Variants in PCOLCE2 observed in about 807,000 individuals in gnomAD.
PCOLCE2 encodes the protein procollagen C-proteinase enhancer 2.
PCOLCE2 carries 42 observed loss-of-function variants against 47.0 expected under a neutral mutation model. That is an observed-to-expected ratio of 0.89 (90% CI 0.70 to 1.16). The LOEUF (loss-of-function observed/expected upper bound fraction) is 1.16, where lower values mean the gene tolerates loss of function less well. PCOLCE2 is among the 50% of genes most tolerant of loss of function. The pLI, the probability that PCOLCE2 is intolerant of heterozygous loss-of-function variation, is 0.00. For synonymous variants in PCOLCE2, 169 were observed against 191.7 expected, an observed-to-expected ratio of 0.88 and a Z score of 0.98; for missense variants, 500 against 526.1, an observed-to-expected ratio of 0.95 and a Z score of 0.49.
chr3:142,874,161 C>T (rs1461058260), intron 2 of PCOLCE2, among the ~76,000 whole-genome samples: 4 of 152,196 alleles, frequency 2.6e-5, no homozygotes, highest in African/African-American at 7.2e-5. Flanking sequence ...CTGCAACCTC[C>T]ACCTCCCGGG....
intron 2 of PCOLCE2, among the ~76,000 whole-genome samples, chr3:142,875,358 C>T (rs1933478550): frequency 6.6e-6 from 1 of 152,172 alleles, no homozygotes; most frequent in African/African-American, 2.4e-5. Flanking sequence ...AGCAGTCTGG[C>T]TTCCTGGTAA....
chr3:142,882,254 G>C (rs892785907), intron 2 of PCOLCE2, among the ~76,000 whole-genome samples: 1 of 151,822 alleles, frequency 6.6e-6, no homozygotes, highest in African/African-American at 2.4e-5. Context: ...GGCTGATCTT[G>C]AACTCTGATC....
At chr3:142,873,669 T>C (rs1266489357) in intron 2 of PCOLCE2, among the ~76,000 whole-genome samples, 1 of 152,188 alleles carries the variant, frequency 6.6e-6, no homozygotes, top group African/African-American at 2.4e-5. Flanking sequence ...GTATCTGGAA[T>C]GTTCACCTAT....
At chr3:142,839,461 C>T (rs894194357) in intron 4 of PCOLCE2, among the ~76,000 whole-genome samples, 8 of 151,994 alleles carry the variant, frequency 5.3e-5, no homozygotes, top group African/African-American at 1.7e-4. Flanking sequence ...TTCAGGTGCC[C>T]GCCACCACAC....
chr3:142,835,517 ATTAT>A (rs1055865545), intron 5 of PCOLCE2, among the ~76,000 whole-genome samples: 1 of 151,596 alleles, frequency 6.6e-6, no homozygotes, highest in Non-Finnish European at 1.5e-5. Flanking sequence ...ATTTTGTTTA[ATTAT>A]TTAGTATAAC....
chr3:142,818,849 G>A (rs1424131594), intron 8 of PCOLCE2, among the ~76,000 whole-genome samples: 1 of 152,256 alleles, frequency 6.6e-6, no homozygotes, highest in African/African-American at 2.4e-5. Flanking sequence ...GGTTAGATCA[G>A]CCATGTCCCG....
chr3:142,836,303 G>A (rs2108191072), intron 5 of PCOLCE2, among the ~76,000 whole-genome samples: 1 of 152,244 alleles, frequency 6.6e-6, no homozygotes, highest in South Asian at 2.1e-4. Flanking sequence ...GCTTCTCTGG[G>A]TCCCTTTTCT....
chr3:142,821,097 A>G (rs1209157067), intron 7 of PCOLCE2, 52 bp from the exon 8 acceptor site: 1 of 1,393,548 alleles, frequency 7.2e-7, no homozygotes, highest in Non-Finnish European at 1.0e-6. Flanking sequence ...AAATGCAAGC[A>G]GAACTGAAAA....
intron 2 of PCOLCE2, among the ~76,000 whole-genome samples, chr3:142,878,852 C>CA (rs938399103): frequency 0.051 from 6,971 of 136,332 alleles, 517 homozygotes; most frequent in African/African-American, 0.17. Context: ...GACTTTGTCT[C>CA]AAAAAAAAAA....
At chr3:142,831,394 A>T (rs1032692857) in intron 5 of PCOLCE2, among the ~76,000 whole-genome samples, 1 of 152,184 alleles carries the variant, frequency 6.6e-6, no homozygotes, top group Non-Finnish European at 1.5e-5. Flanking sequence ...CACCAGCAAG[A>T]AGGCTCTCCC....
chr3:142,848,511 A>C (rs200464529), intron 2 of PCOLCE2, 39 bp from the exon 3 acceptor site: 1 of 1,548,022 alleles, frequency 6.5e-7, no homozygotes, highest in Non-Finnish European at 8.8e-7. Flanking sequence ...TGTCATGAAA[A>C]CAATATCTGA....
chr3:142,820,674 T>A (rs886099559), intron 8 of PCOLCE2, among the ~76,000 whole-genome samples: 1 of 152,212 alleles, frequency 6.6e-6, no homozygotes, highest in Non-Finnish European at 1.5e-5. Context: ...AACGCTTCTT[T>A]CACTTGTTCA....
At chr3:142,885,666 C>T (rs546277691) in intron 2 of PCOLCE2, among the ~76,000 whole-genome samples, 17 of 152,314 alleles carry the variant, frequency 1.1e-4, no homozygotes, top group African/African-American at 4.1e-4. Flanking sequence ...ACCACCTTGT[C>T]TACTCCACCA....
intron 2 of PCOLCE2, among the ~76,000 whole-genome samples, chr3:142,874,333 C>A (rs1220190796): frequency 6.6e-6 from 1 of 152,178 alleles, no homozygotes; most frequent in Admixed American, 6.5e-5. Context: ...CTTGGCCTCC[C>A]AAAGTGTTGG....
At chr3:142,862,435 C>A (rs573806006) in intron 2 of PCOLCE2, among the ~76,000 whole-genome samples, 1 of 152,318 alleles carries the variant, frequency 6.6e-6, no homozygotes, top group South Asian at 2.1e-4. Context: ...TTGTTGGTAT[C>A]TCTCATGTAC....
intron 2 of PCOLCE2, among the ~76,000 whole-genome samples, chr3:142,883,059 G>A (rs1250865192): frequency 6.6e-6 from 1 of 151,818 alleles, no homozygotes; most frequent in Admixed American, 6.6e-5. Context: ...AATTAGCTGG[G>A]CATAGTGGTG....
chr3:142,887,837 T>A, intron 1 of PCOLCE2, 60 bp from the exon 2 acceptor site: 1 of 915,468 alleles, frequency 1.1e-6, no homozygotes, highest in Non-Finnish European at 1.8e-6. Flanking sequence ...CAATCTGATG[T>A]TACCTTCAGA....
intron 3 of PCOLCE2, among the ~76,000 whole-genome samples, chr3:142,845,495 T>C (rs899351855): frequency 6.6e-6 from 1 of 152,226 alleles, no homozygotes; most frequent in African/African-American, 2.4e-5. Flanking sequence ...ATTCCTTCTG[T>C]TACTTTCATT....
At chr3:142,848,598 GAACT>G (rs1937355818) in intron 2 of PCOLCE2, 126 bp from the exon 3 acceptor site, 1 of 818,574 alleles carries the variant, frequency 1.2e-6, no homozygotes, top group African/African-American at 1.7e-5. Context: ...TCTCATATCT[GAACT>G]AACCCAAGGG....
Sources: gnomAD v4.1 joint callset for allele counts (sites outside exome capture counted in the v4.1 genomes callset) on GRCh38, gnomAD v4.1.1 for gene constraint, MANE v1.5 for transcripts, NCBI Gene and HGNC (gene_info 2026-07-23, HGNC 2026-07-21) for gene names.